Variants in TLL2 observed in about 807,000 individuals in gnomAD.
TLL2 encodes tolloid like 2.
A neutral mutation model predicts 123.0 loss-of-function variants in TLL2; 106 were observed. The observed-to-expected ratio is 0.86, with a 90% CI of 0.74 to 1.01. The LOEUF is 1.01. TLL2 is among the 50% of genes least tolerant of loss of function. TLL2 has a pLI of 0.00. For missense variants in TLL2, 1,332 were observed against 1,336.7 expected, an observed-to-expected ratio of 1.00 and a Z score of 0.06; for synonymous variants, 494 against 516.8, an observed-to-expected ratio of 0.96 and a Z score of 0.60.
At chr10:96,512,456 A>G (rs538262470) in intron 1 of TLL2, among the ~76,000 whole-genome samples, 1 of 152,300 alleles carries the variant, frequency 6.6e-6, no homozygotes, top group South Asian at 2.1e-4. Flanking sequence ...GGCCCCGCAG[A>G]GACCTGGCCG....
Position 96,405,314 on chromosome 10 carries a change from G to A in TLL2, c.1185C>T (p.Ser395=), listed in dbSNP as rs759319127. The change falls in exon 10 of 21, where the codon TCC becomes TCT. Residue 395 remains serine, a synonymous_variant. Coordinates refer to ENST00000357947, the MANE Select transcript of TLL2 (RefSeq NM_012465.4). The part of the protein sequence containing the change: ...PGEKIVLNFT[S]MDLFKSRLCW... ...ACAGTCGGCTTTTAAACAAATCCAT[G>A]GATGTGAAGTTTAATACGATCTGTA... 6.2e-7 allele frequency: 1 copy of A among 1,614,140 alleles called. No homozygotes were observed. The highest frequency in any genetic ancestry group is 1.1e-5 in the South Asian group (1 of 91,064).
chr10:96,474,209 TG>T (rs1052161916), intron 2 of TLL2, among the ~76,000 whole-genome samples: 1 of 152,122 alleles, frequency 6.6e-6, no homozygotes, highest in African/African-American at 2.4e-5. Flanking sequence ...CTTGCCGCCT[TG>T]CCCCCACACA....
intron 2 of TLL2, among the ~76,000 whole-genome samples, chr10:96,454,125 T>C (rs989744497): frequency 6.6e-6 from 1 of 152,132 alleles, no homozygotes; most frequent in Non-Finnish European, 1.5e-5. Flanking sequence ...AATCCAATCT[T>C]TTTTTTTCTG....
At chr10:96,440,832 G>A (rs370495999) in intron 3 of TLL2, among the ~76,000 whole-genome samples, 2 of 152,180 alleles carry the variant, frequency 1.3e-5, no homozygotes, top group African/African-American at 2.4e-5. Flanking sequence ...AGCATTTGCC[G>A]ATTAAAAATA....
Position 96,386,943 on chromosome 10 carries a change from C to T in TLL2, c.1852+10G>A, listed in dbSNP as rs758114595. The T allele has an allele frequency of 1.2e-6, 2 of 1,614,046 alleles. No homozygotes were observed. Among genetic ancestry groups the T allele is most frequent in the South Asian group, 2.2e-5 (2 of 91,080 alleles). On this transcript the variant is annotated intron_variant, in intron 14 of 20. Coordinates refer to ENST00000357947, the MANE Select transcript of TLL2 (RefSeq NM_012465.4). ...CCCTCTCATTCTAGCTTGGCAGGTC[C>T]CACACCAACCTTCACACATCTTCTT...
At chr10:96,430,766 C>G (rs1846730416) in intron 4 of TLL2, among the ~76,000 whole-genome samples, 1 of 152,100 alleles carries the variant, frequency 6.6e-6, no homozygotes, top group Non-Finnish European at 1.5e-5. Context: ...CCTGTAGTCT[C>G]AGCTACTCAG....
At position 96,511,573 on chromosome 10, in the gene TLL2, G is replaced by C. The variant is rs561240841; in HGVS notation, c.175+1938C>G. ...CTGTGAAGAATCACAGAATATGCGTGCCCCTGATTATCTTGCATTTTCTCT... is the reference window on the plus strand; with the variant it reads ...CTGTGAAGAATCACAGAATATGCGTCCCCCTGATTATCTTGCATTTTCTCT... On this transcript the variant is annotated intron_variant, in intron 1 of 20. Transcript: ENST00000357947. 2.7e-4 allele frequency among the ~76,000 whole-genome samples: 41 copies of C among 152,322 alleles called. 1 individual carries two copies. The South Asian group carries it at 8.1e-3, about 30-fold the overall frequency.
chr10:96,487,810 AG>A (rs1197081035), intron 1 of TLL2, among the ~76,000 whole-genome samples: 1 of 152,078 alleles, frequency 6.6e-6, no homozygotes, highest in Non-Finnish European at 1.5e-5. Context: ...CGGCTTCCTA[AG>A]CTCTTAGCAT....
At position 96,366,980 on chromosome 10, in the gene TLL2, T is replaced by C. The variant is rs1846035290; in HGVS notation, c.*1108A>G. On this transcript the variant is annotated 3_prime_UTR_variant, in exon 21 of 21. Transcript: ENST00000357947. Reference sequence around the variant, plus strand: ...AAGTGTTATGAATTCTGTTTGCAAGTTGGTGATTGAATACTAGTTAATCAG... The same window carrying C: ...AAGTGTTATGAATTCTGTTTGCAAGCTGGTGATTGAATACTAGTTAATCAG... The C allele has an allele frequency of 1.3e-5, 2 of 152,638 alleles. No homozygotes were observed. The highest frequency in any genetic ancestry group is 6.5e-5 in the Admixed American group (1 of 15,290). 9.5% of individuals were successfully genotyped at this position (152,638 alleles called of 1,614,324 possible). A position where few individuals can be genotyped will look rare whatever the true frequency, so the allele number is the denominator to read the frequency against.
At chr10:96,481,135 G>A (rs1355936348) in intron 1 of TLL2, among the ~76,000 whole-genome samples, 1 of 112,908 alleles carries the variant, frequency 8.9e-6, no homozygotes. Context: ...TGTTTTTTTT[G>A]TTGGGGGATG....
intron 2 of TLL2, among the ~76,000 whole-genome samples, chr10:96,457,850 A>G (rs1046745474): frequency 6.6e-6 from 1 of 152,190 alleles, no homozygotes. Flanking sequence ...CCTAAGAGGA[A>G]GATTCTAGAA....
chr10:96,380,692 CAAAAAAAAAAAAAAAAAAAA>C (rs57395382), intron 16 of TLL2, among the ~76,000 whole-genome samples: 1 of 53,060 alleles, frequency 1.9e-5, no homozygotes, highest in East Asian at 5.1e-4. Context: ...GACTCTATCT[CAAAAAAAAAAAAAAAAAAAA>C]AAAAAAAAAA....
chr10:96,450,080 G>A (rs1399364805), intron 2 of TLL2, among the ~76,000 whole-genome samples: 1 of 151,830 alleles, frequency 6.6e-6, no homozygotes, highest in Non-Finnish European at 1.5e-5. Context: ...CACCAGACCT[G>A]GCACATGGCA....
intron 3 of TLL2, among the ~76,000 whole-genome samples, chr10:96,438,798 T>C (rs1190115048): frequency 6.6e-6 from 1 of 152,234 alleles, no homozygotes; most frequent in African/African-American, 2.4e-5. Context: ...GGTTTTTTTC[T>C]AGACACTCTG....
intron 2 of TLL2, among the ~76,000 whole-genome samples, chr10:96,449,421 A>T (rs1846932627): frequency 6.6e-6 from 1 of 152,230 alleles, no homozygotes; most frequent in South Asian, 2.1e-4. Context: ...GGTCTAGCTC[A>T]GCTTGAGATA....
intron 2 of TLL2, among the ~76,000 whole-genome samples, chr10:96,450,885 T>A (rs1482818256): frequency 6.6e-6 from 1 of 152,224 alleles, no homozygotes; most frequent in Non-Finnish European, 1.5e-5. Context: ...ATCCCCATAT[T>A]TGATCTTTGC....
At chr10:96,387,204 C>T in intron 13 of TLL2, 126 bp from the exon 14 acceptor site, 1 of 1,373,198 alleles carries the variant, frequency 7.3e-7, no homozygotes, top group Non-Finnish European at 1.0e-6. Flanking sequence ...CTGGTGACCA[C>T]CTCCCAAAGA....
chr10:96,421,640 G>A (rs1846623863), intron 6 of TLL2, among the ~76,000 whole-genome samples: 1 of 151,222 alleles, frequency 6.6e-6, no homozygotes, highest in Non-Finnish European at 1.5e-5. Flanking sequence ...CTCCAGCCTG[G>A]GTGACAGAGC....
intron 16 of TLL2, among the ~76,000 whole-genome samples, chr10:96,384,367 C>A (rs1846210542): frequency 1.3e-5 from 2 of 152,140 alleles, no homozygotes; most frequent in South Asian, 4.1e-4. Flanking sequence ...TTAAACCAAC[C>A]AGTTTGTGGT....
Sources: allele counts gnomAD v4.1 joint callset (sites outside exome capture counted in the v4.1 genomes callset), GRCh38; gene constraint gnomAD v4.1.1; transcripts MANE v1.5; gene names NCBI Gene and HGNC (gene_info 2026-07-23, HGNC 2026-07-21).